MTMR7: variants seen among roughly 807,000 people sequenced by gnomAD.
The protein encoded by MTMR7 is phosphatidylinositol-3-phosphate phosphatase MTMR7.
In MTMR7, 76 loss-of-function variants were observed where a neutral mutation model predicts 81.2. The ratio of observed to expected loss-of-function variants is 0.94; its 90% CI spans 0.78 to 1.13. The LOEUF (loss-of-function observed/expected upper bound fraction) is 1.13, where lower values mean the gene tolerates loss of function less well. MTMR7 is among the 50% of genes most tolerant of loss of function. The pLI is 0.00. For missense variants in MTMR7, 1,044 were observed against 820.0 expected (o/e 1.27, Z -3.34); for synonymous variants, 372 against 289.8 (o/e 1.28, Z -2.88).
At chr8:17,308,452 G>C (rs949645358) in intron 10 of MTMR7, among the ~76,000 whole-genome samples, 1 of 152,198 alleles carries the variant, frequency 6.6e-6, no homozygotes, top group Non-Finnish European at 1.5e-5. Context: ...CACAGAATTA[G>C]TGATCAATTA....
At chr8:17,412,580 C>T (rs1821764983) in intron 1 of MTMR7, among the ~76,000 whole-genome samples, 1 of 152,142 alleles carries the variant, frequency 6.6e-6, no homozygotes, top group African/African-American at 2.4e-5. Flanking sequence ...TGATCAGGGA[C>T]CATTTGCTTT....
chr8:17,381,128 T>C (rs1033990489), intron 1 of MTMR7, among the ~76,000 whole-genome samples: 3 of 152,204 alleles, frequency 2.0e-5, no homozygotes, highest in African/African-American at 7.2e-5. Context: ...AAGAATCTTA[T>C]AGATTCAATG....
rs1407193713 is a variant in MTMR7 at position 17,300,118 on chromosome 8, G to A, written c.1727C>T (p.Ala576Val). The change falls in exon 14 of 14, where the codon GCC (alanine) becomes GTC (valine). Residue 576 changes from alanine (A) to valine (V), a missense_variant. Physicochemically the swap from Ala to Val is moderately conservative, Grantham distance 64. Coordinates refer to ENST00000180173, the MANE Select transcript of MTMR7 (RefSeq NM_004686.5). The part of the protein sequence containing the change: ...SGFSTSDNSI[A>V]NTPQDYSGNM... Reference sequence around the variant, plus strand: ...CCCACTGTAATCCTGGGGAGTGTTGGCTATGCTGTTGTCTGAGGTAGAAAA... The same window carrying A: ...CCCACTGTAATCCTGGGGAGTGTTGACTATGCTGTTGTCTGAGGTAGAAAA... 6.2e-7 allele frequency: 1 copy of A among 1,613,988 alleles called. No individual in the cohort carries two copies. Among genetic ancestry groups the A allele is most frequent in the Non-Finnish European group, 8.5e-7 (1 of 1,180,008 alleles).
chr8:17,331,326 G>A, intron 6 of MTMR7, 44 bp from the exon 7 acceptor site: 1 of 1,536,902 alleles, frequency 6.5e-7, no homozygotes, highest in Non-Finnish European at 8.7e-7. Context: ...TTACATTGAT[G>A]AAACAATGAT....
intron 6 of MTMR7, among the ~76,000 whole-genome samples, chr8:17,337,033 A>T (rs1347644129): frequency 6.6e-6 from 1 of 152,036 alleles, no homozygotes; most frequent in Non-Finnish European, 1.5e-5. Context: ...AACAAAACAA[A>T]ACAAAACCCT....
chr8:17,373,441 G>A (rs890564891), intron 1 of MTMR7, among the ~76,000 whole-genome samples: 1 of 152,162 alleles, frequency 6.6e-6, no homozygotes, highest in East Asian at 1.9e-4. Context: ...ACATTCACCA[G>A]TTACGAAAAT....
At position 17,299,823 on chromosome 8, in the gene MTMR7, G is replaced by A; in HGVS notation, c.*39C>T. The A allele has an allele frequency of 6.2e-7, 1 of 1,603,478 alleles. No individual in the cohort carries two copies. Among genetic ancestry groups the A allele is most frequent in the East Asian group, 2.2e-5 (1 of 44,740 alleles). ...TTGTTCCCTTGTTTTTGGAAGTGTT[G>A]CTTATGTGTCCTTTACTTTGGAACT... is the stretch of plus-strand genomic sequence containing the variant. On this transcript the variant is annotated 3_prime_UTR_variant, in exon 14 of 14. Coordinates refer to ENST00000180173, the MANE Select transcript of MTMR7 (RefSeq NM_004686.5).
At chr8:17,336,084 C>T (rs1819228089) in intron 6 of MTMR7, among the ~76,000 whole-genome samples, 1 of 152,186 alleles carries the variant, frequency 6.6e-6, no homozygotes, top group Non-Finnish European at 1.5e-5. Flanking sequence ...TCACCACTTC[C>T]CTCTCTGGCA....
At chr8:17,392,367 G>A (rs1821131767) in intron 1 of MTMR7, among the ~76,000 whole-genome samples, 1 of 152,118 alleles carries the variant, frequency 6.6e-6, no homozygotes, top group African/African-American at 2.4e-5. Context: ...TACATAGGAG[G>A]TTACAGTTTC....
chr8:17,307,983 T>C (rs1270388281), intron 10 of MTMR7, among the ~76,000 whole-genome samples: 4 of 152,010 alleles, frequency 2.6e-5, no homozygotes, highest in Non-Finnish European at 5.9e-5. Flanking sequence ...CACATGTATA[T>C]ATATGTAACA....
intron 11 of MTMR7, 144 bp downstream of exon 11, chr8:17,305,613 G>A: frequency 1.5e-6 from 1 of 659,270 alleles, no homozygotes. Flanking sequence ...AATGACACCA[G>A]GAAAAAGAAA....
intron 6 of MTMR7, among the ~76,000 whole-genome samples, chr8:17,333,995 T>C (rs889251075): frequency 1.3e-5 from 2 of 152,194 alleles, no homozygotes; most frequent in African/African-American, 4.8e-5. Context: ...AAAATATTAT[T>C]TTAACCTATA....
At position 17,297,680 on chromosome 8, in the gene MTMR7, CAATA is replaced by C. The variant is rs1372277085; in HGVS notation, c.*2178_*2181del. On this transcript the variant is annotated 3_prime_UTR_variant, in exon 14 of 14. Transcript: ENST00000180173. ...TCCCTATGCTTTAAACCACTGCTCT[CAATA>C]AAACACTTCCTGATTAATGTTTGAT... 1 of 152,028 alleles carries C rather than the reference CAATA, an allele frequency of 6.6e-6. No individual in the cohort carries two copies. The highest frequency in any genetic ancestry group is 2.1e-4 in the South Asian group (1 of 4,828). The allele number at this position is 152,028 out of a possible 1,614,324, so 9.4% of individuals were successfully genotyped here. A position where few individuals can be genotyped will look rare whatever the true frequency, so the allele number is the denominator to read the frequency against.
At chr8:17,358,248 A>G (rs1177316124) in intron 4 of MTMR7, among the ~76,000 whole-genome samples, 3 of 152,210 alleles carry the variant, frequency 2.0e-5, no homozygotes, top group African/African-American at 7.2e-5. Context: ...AACTCTGACA[A>G]AGAGAAAGAA....
rs111404547 is a variant in MTMR7, at chr8:17,363,189, G to C, written c.311-1915C>G. On this transcript the variant is annotated intron_variant, in intron 3 of 13. Coordinates refer to ENST00000180173, the MANE Select transcript of MTMR7 (RefSeq NM_004686.5). Reference sequence around the variant, plus strand: ...TGTGAAACCTCAGATCCTGTTCTGGGAACAGTTGGCTCAACATTGACACAT... The same window carrying C: ...TGTGAAACCTCAGATCCTGTTCTGGCAACAGTTGGCTCAACATTGACACAT... Among the ~76,000 whole-genome samples, 20 of 152,266 alleles carry C rather than the reference G, an allele frequency of 1.3e-4. 1 individual carries two copies. The highest frequency in any genetic ancestry group is 4.3e-4 in the African/African-American group (18 of 41,564).
chr8:17,377,356 T>A (rs1353189678), intron 1 of MTMR7, among the ~76,000 whole-genome samples: 1 of 152,108 alleles, frequency 6.6e-6, no homozygotes, highest in Non-Finnish European at 1.5e-5. Flanking sequence ...ATTTTTACAA[T>A]CTTTTAATTC....
chr8:17,341,824 G>C (rs1006200669), intron 5 of MTMR7, among the ~76,000 whole-genome samples: 1 of 151,662 alleles, frequency 6.6e-6, no homozygotes, highest in Non-Finnish European at 1.5e-5. Context: ...CCTGCTGAAA[G>C]AAAAAATACA....
At chr8:17,332,598 T>C (rs970169408) in intron 6 of MTMR7, among the ~76,000 whole-genome samples, 5 of 152,208 alleles carry the variant, frequency 3.3e-5, no homozygotes, top group African/African-American at 1.2e-4. Flanking sequence ...CATGGCAAAC[T>C]GGGAGCTGCT....
At chr8:17,330,659 G>C (rs1168285082) in intron 7 of MTMR7, among the ~76,000 whole-genome samples, 2 of 152,202 alleles carry the variant, frequency 1.3e-5, no homozygotes, top group East Asian at 3.8e-4. Flanking sequence ...GTCAAAGTGT[G>C]TGTGGAGGTG....
Sources: gnomAD v4.1 joint callset for allele counts (sites outside exome capture counted in the v4.1 genomes callset) on GRCh38, gnomAD v4.1.1 for gene constraint, MANE v1.5 for transcripts, NCBI Gene and HGNC (gene_info 2026-07-23, HGNC 2026-07-21) for gene names.